CPM: variants seen among roughly 807,000 people sequenced by gnomAD.
The protein encoded by CPM is renal carboxypeptidase.
Under a neutral mutation model 46.4 loss-of-function variants are expected in CPM, and 35 were observed. The observed-to-expected ratio is 0.75, with a 90% CI of 0.58 to 1.00. The LOEUF is 1.00. Ranked by LOEUF, CPM falls within the 50% of genes least tolerant of loss-of-function variation. CPM has a pLI of 0.00. For missense variants in CPM, 422 were observed against 530.4 expected (o/e 0.80, Z 2.01); for synonymous variants, 195 against 195.3 (o/e 1.00, Z 0.01).
chr12:68,957,165 T>A (rs1592717245), intron 1 of CPM, among the ~76,000 whole-genome samples: 3 of 152,160 alleles, frequency 2.0e-5, no homozygotes, highest in Non-Finnish European at 4.4e-5. Context: ...AGGTCTCATG[T>A]CCTTGAATCC....
At position 68,926,832 on chromosome 12, in the gene CPM, C is replaced by T. The variant is rs528328213; in HGVS notation, c.160+5846G>A. Among the ~76,000 whole-genome samples, 12 of 152,078 alleles carry T rather than the reference C, an allele frequency of 7.9e-5. No individual in the cohort carries two copies. In the South Asian group the frequency reaches 8.3e-4, roughly 11 times the overall value. On this transcript the variant is annotated intron_variant, in intron 2 of 8. Transcript: ENST00000551568. ...TGTGGTGTTTGGTTTTTTGTTCTTG[C>T]GATAGTTTACTGAGAATGATGATTT... is the stretch of plus-strand genomic sequence containing the variant.
rs776797413 is a variant in CPM, at chr12:68,932,814, T to C, written c.24A>G (p.Leu8=). ...CAGCTACCAAAGGCAGCAACAGCCC[T>C]AGCCAGAGGCACGGGAAGTCCATGT... MDFPCLW[L]GLLLPLVAAL... Residue 8 remains leucine (L), a synonymous_variant, in exon 2 of 9, where the codon CTA becomes CTG. Coordinates refer to ENST00000551568, the MANE Select transcript of CPM (RefSeq NM_198320.5). The C allele has an allele frequency of 3.7e-6, 6 of 1,613,940 alleles. No homozygotes were observed. The highest frequency in any genetic ancestry group is 5.1e-6 in the Non-Finnish European group (6 of 1,179,982).
At chr12:68,956,392 C>T (rs1889019149) in intron 1 of CPM, among the ~76,000 whole-genome samples, 1 of 152,184 alleles carries the variant, frequency 6.6e-6, no homozygotes, top group Non-Finnish European at 1.5e-5. Context: ...CCCATCCCGC[C>T]AACTTGGAAG....
chr12:68,932,205 A>G (rs2136323819), intron 2 of CPM, among the ~76,000 whole-genome samples: 1 of 152,376 alleles, frequency 6.6e-6, no homozygotes, highest in African/African-American at 2.4e-5. Flanking sequence ...ATAACTTTAA[A>G]TAAAAGGCTA....
intron 2 of CPM, among the ~76,000 whole-genome samples, chr12:68,917,930 C>G (rs755024542): frequency 6.6e-6 from 1 of 152,138 alleles, no homozygotes; most frequent in Non-Finnish European, 1.5e-5. Context: ...GGAATCCCTA[C>G]AGAGAGAGGA....
chr12:68,866,768 C>G (rs1414168603), intron 7 of CPM, 128 bp downstream of exon 7: 1 of 754,366 alleles, frequency 1.3e-6, no homozygotes, highest in East Asian at 2.5e-5. Flanking sequence ...TCTTAACCAT[C>G]AGATCTGGCA....
chr12:68,860,095 T>C (rs1466974989), intron 7 of CPM, among the ~76,000 whole-genome samples: 1 of 152,236 alleles, frequency 6.6e-6, no homozygotes, highest in Non-Finnish European at 1.5e-5. Flanking sequence ...AATAAAAATT[T>C]TGGCATTTAG....
chr12:68,943,741 GTGAT>G (rs1888800026), intron 1 of CPM, among the ~76,000 whole-genome samples: 2 of 152,134 alleles, frequency 1.3e-5, no homozygotes, highest in African/African-American at 4.8e-5. Context: ...TCTGGATTGT[GTGAT>G]ATCAAACAAT....
intron 1 of CPM, among the ~76,000 whole-genome samples, chr12:68,955,163 C>T (rs867717010): frequency 7.9e-5 from 12 of 152,230 alleles, no homozygotes; most frequent in Middle Eastern, 6.8e-3. Context: ...CCAGGAGGCC[C>T]GAGTAAAACT....
chr12:68,955,998 GC>G, intron 1 of CPM, among the ~76,000 whole-genome samples: 1 of 152,266 alleles, frequency 6.6e-6, no homozygotes, highest in Admixed American at 6.5e-5. Context: ...CCACCCAGGA[GC>G]CTGTCTGCCT....
At chr12:68,899,133 C>A (rs1178732881) in intron 2 of CPM, among the ~76,000 whole-genome samples, 2 of 152,210 alleles carry the variant, frequency 1.3e-5, no homozygotes, top group African/African-American at 4.8e-5. Flanking sequence ...AATAGACTAC[C>A]ACTCACTGAA....
At chr12:68,946,706 A>T (rs149912110) in intron 1 of CPM, among the ~76,000 whole-genome samples, 172 of 152,348 alleles carry the variant, frequency 1.1e-3, no homozygotes, top group African/African-American at 3.8e-3. Context: ...TAGTGTCTCT[A>T]ATAGTGTCCT....
At chr12:68,907,796 T>C (rs1335657779) in intron 2 of CPM, among the ~76,000 whole-genome samples, 1 of 151,888 alleles carries the variant, frequency 6.6e-6, no homozygotes, top group East Asian at 1.9e-4. Context: ...TGAAAATTCA[T>C]CATTAATCCA....
At chr12:68,886,303 C>T (rs1036086391) in intron 2 of CPM, among the ~76,000 whole-genome samples, 3 of 134,086 alleles carry the variant, frequency 2.2e-5, no homozygotes, top group African/African-American at 5.3e-5. Flanking sequence ...TGTCATAACT[C>T]GCAGTACAAG....
intron 1 of CPM, chr12:68,963,073 G>A (rs1461525552): frequency 6.5e-6 from 1 of 153,050 alleles, no homozygotes; most frequent in Non-Finnish European, 1.5e-5. Context: ...CTTAACCTTG[G>A]CAAAGTAAAC....
At chr12:68,869,785 G>T (rs748369670) in intron 5 of CPM, among the ~76,000 whole-genome samples, 1 of 151,874 alleles carries the variant, frequency 6.6e-6, no homozygotes, top group Admixed American at 6.6e-5. Flanking sequence ...ATTTCTTTAG[G>T]TATTATAGGG....
intron 2 of CPM, among the ~76,000 whole-genome samples, chr12:68,916,576 C>T (rs1887813210): frequency 6.6e-6 from 1 of 152,090 alleles, no homozygotes; most frequent in African/African-American, 2.4e-5. Context: ...CCAGAAATGA[C>T]TGTTGCACCA....
At chr12:68,842,720 T>TA in intron 5 of CPM, 1 of 196,488 alleles carries the variant, frequency 5.1e-6, no homozygotes, top group Non-Finnish European at 1.1e-5. Flanking sequence ...TTCTTTGCAG[T>TA]AAAATATGCC....
intron 1 of CPM, among the ~76,000 whole-genome samples, chr12:68,954,828 A>C (rs1888986697): frequency 6.6e-6 from 1 of 152,182 alleles, no homozygotes; most frequent in Non-Finnish European, 1.5e-5. Flanking sequence ...CTAATTTTCA[A>C]ACAGTAATAC....
Sources: gnomAD v4.1 joint callset for allele counts (sites outside exome capture counted in the v4.1 genomes callset) on GRCh38, gnomAD v4.1.1 for gene constraint, MANE v1.5 for transcripts, NCBI Gene and HGNC (gene_info 2026-07-23, HGNC 2026-07-21) for gene names.